CTTNBP2: variants seen among roughly 807,000 people sequenced by gnomAD.
CTTNBP2 encodes cortactin binding protein 2, also known as cortactin-binding protein 2.
Under a neutral mutation model 156.9 loss-of-function variants are expected in CTTNBP2, and 108 were observed. That is an observed-to-expected ratio of 0.69 (90% CI 0.59 to 0.81). CTTNBP2 has a LOEUF of 0.81. Among genes scored for constraint, CTTNBP2 ranks in the 30% least tolerant of loss-of-function variants. CTTNBP2 has a pLI of 0.00. For synonymous variants in CTTNBP2, 767 were observed against 751.8 expected, an observed-to-expected ratio of 1.02 and a Z score of -0.33; for missense variants, 1,924 against 2,035.4, an observed-to-expected ratio of 0.95 and a Z score of 1.05.
intron 2 of CTTNBP2, among the ~76,000 whole-genome samples, chr7:117,815,609 G>A (rs1308412382): frequency 6.6e-6 from 1 of 152,132 alleles, no homozygotes; most frequent in East Asian, 1.9e-4. Flanking sequence ...AGGATGCTGG[G>A]CAGCGCTGAC....
At chr7:117,747,268 T>C (rs1796383700) in intron 12 of CTTNBP2, among the ~76,000 whole-genome samples, 1 of 152,142 alleles carries the variant, frequency 6.6e-6, no homozygotes, top group African/African-American at 2.4e-5. Flanking sequence ...CTGTGTTGTC[T>C]CTCTCTTGTA....
chr7:117,726,554 T>G (rs553290972), intron 17 of CTTNBP2, among the ~76,000 whole-genome samples: 41 of 152,340 alleles, frequency 2.7e-4, no homozygotes, highest in Non-Finnish European at 5.1e-4. Context: ...TCTGCACATC[T>G]GGTGTCAGGT....
intron 3 of CTTNBP2, among the ~76,000 whole-genome samples, chr7:117,804,947 A>G (rs1328794854): frequency 6.6e-6 from 1 of 152,196 alleles, no homozygotes; most frequent in Non-Finnish European, 1.5e-5. Context: ...TTCATTCTCC[A>G]TGATATGTAG....
chr7:117,774,224 T>A (rs1032127223), intron 8 of CTTNBP2, among the ~76,000 whole-genome samples: 1 of 152,088 alleles, frequency 6.6e-6, no homozygotes, highest in Non-Finnish European at 1.5e-5. Flanking sequence ...TTCTTAACCA[T>A]TGAAAAAAAG....
chr7:117,746,151 G>GA (rs762271983), intron 12 of CTTNBP2, 52 bp from the exon 13 acceptor site: 1 of 1,229,100 alleles, frequency 8.1e-7, no homozygotes, highest in South Asian at 1.2e-5. Flanking sequence ...ATTGATGAGA[G>GA]AAAAAAGTGG....
At chr7:117,820,748 A>G (rs1346481397) in intron 2 of CTTNBP2, among the ~76,000 whole-genome samples, 1 of 152,166 alleles carries the variant, frequency 6.6e-6, no homozygotes, top group Admixed American at 6.5e-5. Flanking sequence ...TCGTTGCTTT[A>G]TAATAAGTGC....
chr7:117,735,468 T>G (rs746037496), intron 14 of CTTNBP2, 47 bp from the exon 15 acceptor site: 2 of 1,535,728 alleles, frequency 1.3e-6, no homozygotes, highest in Admixed American at 4.2e-5. Context: ...TGACAAAAAT[T>G]TATACAAATT....
intron 2 of CTTNBP2, among the ~76,000 whole-genome samples, chr7:117,825,770 A>G (rs1423214174): frequency 6.6e-6 from 1 of 152,336 alleles, no homozygotes; most frequent in East Asian, 1.9e-4. Context: ...AGAAAAAGAA[A>G]TAATGCATGT....
rs1799045089 is a variant in CTTNBP2, at chr7:117,791,921, C to T, written c.1275G>A (p.Met425Ile). 1 of 1,614,082 alleles carries T rather than the reference C, an allele frequency of 6.2e-7. No homozygotes were observed. Among genetic ancestry groups the T allele is most frequent in the Non-Finnish European group, 8.5e-7 (1 of 1,180,026 alleles). Residue 425 changes from methionine (M) to isoleucine (I), a missense_variant, in exon 4 of 23, where the codon ATG becomes ATA. Met to Ile is a conservative substitution (Grantham distance 10). Coordinates refer to ENST00000160373, the MANE Select transcript of CTTNBP2 (RefSeq NM_033427.3). The stretch of plus-strand genomic sequence containing the variant: ...TGGCACATGGTGAATGTAAACTGTG[C>T]ATAGGTGGAGCTTGCGAGTTCTGAG... ...IAPQNSQAPP[M>I]HSLHSPCANT...
At chr7:117,715,210 G>C (rs756468053) in intron 22 of CTTNBP2, among the ~76,000 whole-genome samples, 5 of 152,092 alleles carry the variant, frequency 3.3e-5, no homozygotes, top group Non-Finnish European at 4.4e-5. Context: ...GGACTGTGAC[G>C]AGAGAAGGTT....
At chr7:117,745,616 G>C (rs973229541) in intron 14 of CTTNBP2, among the ~76,000 whole-genome samples, 1 of 95,890 alleles carries the variant, frequency 1.0e-5, no homozygotes, top group African/African-American at 9.3e-5. Flanking sequence ...AACAATTAAT[G>C]ATTAATAACA....
intron 1 of CTTNBP2, among the ~76,000 whole-genome samples, chr7:117,865,487 C>A (rs1804111979): frequency 6.6e-6 from 1 of 151,102 alleles, no homozygotes; most frequent in South Asian, 2.1e-4. Context: ...ATGGTGAAAC[C>A]CCGTCTCTAC....
chr7:117,842,968 T>C (rs1472689840), intron 2 of CTTNBP2, among the ~76,000 whole-genome samples: 1 of 152,118 alleles, frequency 6.6e-6, no homozygotes, highest in Admixed American at 6.5e-5. Flanking sequence ...TAAAAAGATA[T>C]AGTATAGTCA....
intron 20 of CTTNBP2, among the ~76,000 whole-genome samples, chr7:117,720,853 G>A (rs1794749630): frequency 6.6e-6 from 1 of 152,064 alleles, no homozygotes; most frequent in African/African-American, 2.4e-5. Flanking sequence ...TCTTCATATT[G>A]CATTATATTA....
chr7:117,778,780 T>A (rs1182491582), intron 7 of CTTNBP2, among the ~76,000 whole-genome samples: 1 of 152,242 alleles, frequency 6.6e-6, no homozygotes, highest in Non-Finnish European at 1.5e-5. Context: ...AAAAAATTTT[T>A]CATAAAAGAA....
At chr7:117,768,585 G>A (rs1254339990) in intron 8 of CTTNBP2, among the ~76,000 whole-genome samples, 49 of 119,248 alleles carry the variant, frequency 4.1e-4, no homozygotes, top group African/African-American at 1.5e-3. Context: ...AAAAAAAAAA[G>A]AAAGAAAGAA....
In CTTNBP2 at chr7:117,760,542, T is replaced by C. The variant is rs1205890666; in HGVS notation, c.3065A>G (p.Gln1022Arg). The C allele has an allele frequency of 1.2e-6, 2 of 1,614,058 alleles. No homozygotes were observed. Among genetic ancestry groups the C allele is most frequent in the African/African-American group, 2.7e-5 (2 of 74,932 alleles). Residue 1022 changes from glutamine to arginine, a missense_variant, in exon 10 of 23, where the codon CAG becomes CGG. Gln to Arg is a conservative substitution (Grantham distance 43). Transcript: ENST00000160373. Reference protein sequence around the residue: ...AVSQALTNHFQAISSDGWWSL... With the variant: ...AVSQALTNHFRAISSDGWWSL... ...CCACCATCCATCAGAAGAGATTGCC[T>C]GGAAATGATTTGTCAGAGCTTGACT... is the stretch of plus-strand genomic sequence containing the variant.
At chr7:117,728,637 T>C (rs1054649036) in intron 16 of CTTNBP2, among the ~76,000 whole-genome samples, 1 of 152,226 alleles carries the variant, frequency 6.6e-6, no homozygotes, top group African/African-American at 2.4e-5. Context: ...ACAAAAATTA[T>C]ATATATTTGT....
At chr7:117,836,564 A>G (rs1268901038) in intron 2 of CTTNBP2, among the ~76,000 whole-genome samples, 1 of 152,208 alleles carries the variant, frequency 6.6e-6, no homozygotes, top group African/African-American at 2.4e-5. Context: ...CTCTGTCTCA[A>G]AAAAACAAAA....
Sources: allele counts gnomAD v4.1 joint callset (sites outside exome capture counted in the v4.1 genomes callset), GRCh38; gene constraint gnomAD v4.1.1; transcripts MANE v1.5; gene names NCBI Gene and HGNC (gene_info 2026-07-23, HGNC 2026-07-21).